Variants in AFG2A observed in about 807,000 individuals in gnomAD.
The protein encoded by AFG2A is ATPase family gene 2 protein homolog A.
the AFG2A span, chr4:122,929,187 G>A: frequency 6.5e-5 from 103 of 1,591,388 alleles, 1 homozygote; most frequent in African/African-American, 1.0e-3. Context: ...GGAAATGGAT[G>A]TGGCACTGAG....
the AFG2A span, among the ~76,000 whole-genome samples, chr4:123,011,425 C>T: frequency 6.6e-6 from 1 of 152,162 alleles, no homozygotes; most frequent in Non-Finnish European, 1.5e-5. Flanking sequence ...AAATGTAATG[C>T]AAGGCATGTA....
chr4:123,173,342 T>TG, the AFG2A span, among the ~76,000 whole-genome samples: 1 of 4,774 alleles, frequency 2.1e-4, no homozygotes, highest in African/African-American at 2.9e-4. Context: ...GTCCAATGGT[T>TG]TTTTTTTTTT....
the AFG2A span, among the ~76,000 whole-genome samples, chr4:122,941,737 T>G: frequency 6.6e-6 from 1 of 151,484 alleles, no homozygotes; most frequent in Non-Finnish European, 1.5e-5. Flanking sequence ...TGCTTCCAGT[T>G]TTTGCCTATT....
chr4:123,273,060 A>G, the AFG2A span, among the ~76,000 whole-genome samples: 1 of 152,162 alleles, frequency 6.6e-6, no homozygotes, highest in Non-Finnish European at 1.5e-5. Context: ...ATTCTCTTAT[A>G]TTATTCAGAA....
the AFG2A span, among the ~76,000 whole-genome samples, chr4:122,975,038 C>T: frequency 1.3e-5 from 2 of 152,138 alleles, no homozygotes; most frequent in Non-Finnish European, 1.5e-5. Context: ...ATGAGGATGT[C>T]GAGTAGTAAA....
At chr4:123,197,522 C>T in the AFG2A span, among the ~76,000 whole-genome samples, 1 of 152,140 alleles carries the variant, frequency 6.6e-6, no homozygotes, top group African/African-American at 2.4e-5. Flanking sequence ...GTAATCCGAG[C>T]ACTTTGGGAG....
chr4:123,282,020 C>T, the AFG2A span, among the ~76,000 whole-genome samples: 11 of 152,080 alleles, frequency 7.2e-5, no homozygotes, highest in African/African-American at 2.4e-4. Flanking sequence ...GTACATCTCA[C>T]TATATACTTG....
the AFG2A span, among the ~76,000 whole-genome samples, chr4:122,972,069 T>C: frequency 6.6e-6 from 1 of 152,188 alleles, no homozygotes; most frequent in Non-Finnish European, 1.5e-5. Flanking sequence ...GAACAATTTT[T>C]TAAAAATTAA....
the AFG2A span, among the ~76,000 whole-genome samples, chr4:123,078,317 T>C: frequency 6.6e-6 from 1 of 152,244 alleles, no homozygotes; most frequent in East Asian, 1.9e-4. Context: ...CCTGTTCTGC[T>C]GAAGTCATAG....
the AFG2A span, among the ~76,000 whole-genome samples, chr4:123,291,942 A>C: frequency 6.6e-6 from 1 of 152,166 alleles, no homozygotes; most frequent in Non-Finnish European, 1.5e-5. Context: ...AGTTTCCCTC[A>C]ATTATTCTCT....
the AFG2A span, among the ~76,000 whole-genome samples, chr4:123,274,715 A>T: frequency 6.6e-6 from 1 of 151,976 alleles, no homozygotes; most frequent in Non-Finnish European, 1.5e-5. Flanking sequence ...ATGTTTTGAG[A>T]GGCTGTCTGG....
chr4:122,930,257 T>A, the AFG2A span, among the ~76,000 whole-genome samples: 91 of 152,342 alleles, frequency 6.0e-4, 3 homozygotes, highest in Admixed American at 3.9e-3. Context: ...CTCCTGGATA[T>A]TCTATTATCT....
chr4:122,964,614 G>A, the AFG2A span, among the ~76,000 whole-genome samples: 2 of 152,058 alleles, frequency 1.3e-5, no homozygotes, highest in African/African-American at 2.4e-5. Context: ...GAGAGACTAT[G>A]TGATACATTT....
At chr4:122,971,838 T>A in the AFG2A span, among the ~76,000 whole-genome samples, 1 of 152,196 alleles carries the variant, frequency 6.6e-6, no homozygotes, top group Non-Finnish European at 1.5e-5. Context: ...GATTTTTAAA[T>A]GTTACATGAA....
At chr4:122,974,948 GA>G in the AFG2A span, among the ~76,000 whole-genome samples, 1 of 152,126 alleles carries the variant, frequency 6.6e-6, no homozygotes, top group Non-Finnish European at 1.5e-5. Context: ...CCATAAAGTT[GA>G]AAAGTCTTAA....
chr4:122,927,899 A>G, the AFG2A span: 3 of 1,184,420 alleles, frequency 2.5e-6, no homozygotes, highest in Non-Finnish European at 3.5e-6. Context: ...CAGATTTGGG[A>G]TGCTTAGCCA....
the AFG2A span, among the ~76,000 whole-genome samples, chr4:123,074,095 A>ATTTTTTTTTTTT: frequency 4.0e-3 from 404 of 101,982 alleles, 22 homozygotes; most frequent in African/African-American, 6.8e-3. Context: ...CTCAGATAGT[A>ATTTTTTTTTTTT]TTTTTTTTTT....
chr4:122,953,782 C>A, the AFG2A span, among the ~76,000 whole-genome samples: 1 of 152,240 alleles, frequency 6.6e-6, no homozygotes, highest in Non-Finnish European at 1.5e-5. Context: ...CATCTCCTTT[C>A]CTTTGGCGCC....
At chr4:123,027,968 A>T in the AFG2A span, among the ~76,000 whole-genome samples, 3 of 147,950 alleles carry the variant, frequency 2.0e-5, no homozygotes, top group Non-Finnish European at 3.0e-5. Flanking sequence ...TACAAGCAGA[A>T]TTTTTTTTTT....
Sources: gnomAD v4.1 joint callset for allele counts (sites outside exome capture counted in the v4.1 genomes callset) on GRCh38, gnomAD v4.1.1 for gene constraint, MANE v1.5 for transcripts, NCBI Gene and HGNC (gene_info 2026-07-23, HGNC 2026-07-21) for gene names.